HDHD5: variants seen among roughly 807,000 people sequenced by gnomAD.
HDHD5 encodes haloacid dehalogenase-like hydrolase domain-containing 5.
HDHD5 carries 34 observed loss-of-function variants against 35.5 expected under a neutral mutation model. The ratio of observed to expected loss-of-function variants is 0.96; its 90% CI spans 0.73 to 1.28. The LOEUF (loss-of-function observed/expected upper bound fraction) is 1.28, where lower values mean the gene tolerates loss of function less well. Ranked by LOEUF, HDHD5 falls within the 50% of genes most tolerant of loss-of-function variation. The pLI, the probability that HDHD5 is intolerant of heterozygous loss-of-function variation, is 0.00. For missense variants in HDHD5, 589 were observed against 560.2 expected (o/e 1.05, Z -0.52); for synonymous variants, 248 against 240.6 (o/e 1.03, Z -0.29).
chr22:17,151,334 T>G (rs775497934), intron 1 of HDHD5, among the ~76,000 whole-genome samples: 23 of 76,164 alleles, frequency 3.0e-4, no homozygotes, highest in Non-Finnish European at 4.0e-4. Flanking sequence ...TAACCTAACT[T>G]GTTTGCTATT....
Position 17,149,642 on chromosome 22 carries a change from G to A in HDHD5, c.230C>T (p.Ser77Phe), listed in dbSNP as rs377264272. The change falls in exon 2 of 8, where the codon TCC (serine) becomes TTC (phenylalanine). Residue 77 changes from serine (S) to phenylalanine (F), a missense_variant. By Grantham distance (155) the Ser-to-Phe change is radical. Transcript: ENST00000336737. The part of the protein sequence containing the change: ...ALKAFRRLVN[S>F]QGQLRVPVVF... ...CACGGGCACCCGCAGCTGCCCCTGG[G>A]AGTTCACCAGCCTTCGGAAGGCTTT... 6.2e-7 allele frequency: 1 copy of A among 1,613,644 alleles called. No individual in the cohort carries two copies. The highest frequency in any genetic ancestry group is 8.5e-7 in the Non-Finnish European group (1 of 1,180,040).
chr22:17,163,737 C>T (rs1386013306), upstream of HDHD5, among the ~76,000 whole-genome samples: 1 of 152,168 alleles, frequency 6.6e-6, no homozygotes, highest in African/African-American at 2.4e-5. Context: ...GGCAGGAATC[C>T]GAGGTGAGCC....
chr22:17,140,991 T>C, intron 6 of HDHD5, 68 bp downstream of exon 6: 1 of 1,432,558 alleles, frequency 7.0e-7, no homozygotes, highest in Non-Finnish European at 9.3e-7. Flanking sequence ...GGGAACTGCC[T>C]GCAGGACTGC....
At chr22:17,147,496 G>A (rs1443628356) in intron 3 of HDHD5, among the ~76,000 whole-genome samples, 3 of 122,298 alleles carry the variant, frequency 2.5e-5, no homozygotes, top group Admixed American at 1.9e-4. Context: ...TGAGCTTACC[G>A]GCCTTCGATC....
chr22:17,163,850 C>T (rs1372274003), upstream of HDHD5, among the ~76,000 whole-genome samples: 2 of 152,200 alleles, frequency 1.3e-5, no homozygotes, highest in African/African-American at 4.8e-5. Flanking sequence ...TGCTTGAGGG[C>T]AGTGTCTCTC....
At chr22:17,159,381 C>G (rs771116650), upstream of HDHD5, 5 of 1,091,480 alleles carry the variant, frequency 4.6e-6, no homozygotes, top group South Asian at 6.8e-5. Context: ...GCGCGGAGCC[C>G]GTCGGGCGCC....
intron 1 of HDHD5, among the ~76,000 whole-genome samples, 187 bp from the exon 2 acceptor site, chr22:17,149,932 T>C (rs2061707949): frequency 6.6e-6 from 1 of 152,054 alleles, no homozygotes; most frequent in African/African-American, 2.4e-5. Context: ...CCAAAGAAAA[T>C]ATAATCCCAA....
chr22:17,138,668 A>G lies in HDHD5; in HGVS notation c.817T>C (p.Tyr273His). 1 of 1,614,228 alleles carries G rather than the reference A, an allele frequency of 6.2e-7. No homozygotes were observed. Among genetic ancestry groups the G allele is most frequent in the Non-Finnish European group, 8.5e-7 (1 of 1,180,040 alleles). ...CTGGGTTTGCCCATCAGGCCCTCGT[A>G]TCTCAGCTCCTTGCCCGTCACTTTC... ...YQKVTGKELR[Y>H]EGLMGKPSIL... The change falls in exon 7 of 8, where the codon TAC (tyrosine) becomes CAC (histidine). Residue 273 changes from tyrosine (Y) to histidine (H), a missense_variant. Physicochemically the swap from Tyr to His is moderately conservative, Grantham distance 83. Coordinates refer to ENST00000336737, the MANE Select transcript of HDHD5 (RefSeq NM_033070.3).
chr22:17,156,763 G>A (rs1281694041), intron 1 of HDHD5, among the ~76,000 whole-genome samples: 5 of 139,566 alleles, frequency 3.6e-5, no homozygotes, highest in South Asian at 2.3e-4. Context: ...GCAACAGAGC[G>A]AGCGAGACTC....
upstream of HDHD5, among the ~76,000 whole-genome samples, chr22:17,160,205 G>C (rs535481826): frequency 1.3e-5 from 2 of 152,174 alleles, no homozygotes; most frequent in African/African-American, 4.8e-5. Flanking sequence ...TATGGACAGA[G>C]ACTGCACTAG....
At chr22:17,143,053 G>A in intron 5 of HDHD5, 45 bp downstream of exon 5, 1 of 1,601,138 alleles carries the variant, frequency 6.2e-7, no homozygotes, top group Non-Finnish European at 8.5e-7. Context: ...CCAGAGAGGA[G>A]ACGGAGAAAA....
chr22:17,139,733 C>T (rs1014408976), intron 6 of HDHD5, among the ~76,000 whole-genome samples: 38 of 152,106 alleles, frequency 2.5e-4, no homozygotes, highest in African/African-American at 7.2e-4. Flanking sequence ...CCACCATGCC[C>T]GGCTAATTTT....
chr22:17,143,830 T>A (rs5748896), intron 4 of HDHD5, among the ~76,000 whole-genome samples: 2 of 152,208 alleles, frequency 1.3e-5, no homozygotes, highest in African/African-American at 4.8e-5. Flanking sequence ...GTCGTCAAAC[T>A]GTGAGAATGG....
chr22:17,153,956 A>C (rs1003928635), intron 1 of HDHD5, among the ~76,000 whole-genome samples: 1 of 152,018 alleles, frequency 6.6e-6, no homozygotes, highest in Non-Finnish European at 1.5e-5. Flanking sequence ...CCTGGGCTCA[A>C]GCGATCCTCC....
upstream of HDHD5, chr22:17,159,286 G>GT (rs1555882038): frequency 2.9e-6 from 3 of 1,040,534 alleles, no homozygotes; most frequent in African/African-American, 5.1e-5. Context: ...ACGGCGTGCG[G>GT]CCCCCCCCCC....
chr22:17,158,930 G>A (rs2061834608), intron 1 of HDHD5, 196 bp downstream of exon 1: 1 of 419,786 alleles, frequency 2.4e-6, no homozygotes, highest in Non-Finnish European at 3.7e-6. Context: ...GCGTTTCCGA[G>A]GCCGCCAGCG....
intron 3 of HDHD5, among the ~76,000 whole-genome samples, chr22:17,146,419 C>T (rs558979630): frequency 6.7e-6 from 1 of 149,446 alleles, no homozygotes; most frequent in South Asian, 2.2e-4. Flanking sequence ...ACGCTCCACA[C>T]CTGTGGCACA....
chr22:17,159,206 G>A lies in HDHD5; in HGVS notation c.46C>T (p.Leu16Phe), dbSNP rs1276368053. The change falls in exon 1 of 8, where the codon CTT (leucine) becomes TTT (phenylalanine). Residue 16 changes from leucine to phenylalanine, a missense_variant. By Grantham distance (22) the Leu-to-Phe change is conservative. Coordinates refer to ENST00000336737, the MANE Select transcript of HDHD5 (RefSeq NM_033070.3). Reference protein sequence around the residue: ...CVAALGAARGLCWRAARAAAG... With the variant: ...CVAALGAARGFCWRAARAAAG... ...GCCGCGCGCGCCGCCCGCCAGCAAA[G>A]CCCACGCGCCGCGCCGAGCGCAGCC... The A allele has an allele frequency of 1.7e-5, 20 of 1,192,094 alleles. No homozygotes were observed. Among genetic ancestry groups the A allele is most frequent in the Non-Finnish European group, 1.9e-5 (18 of 965,822 alleles). The allele number at this position is 1,192,094 out of a possible 1,614,324, so 73.8% of individuals were successfully genotyped here. A position where few individuals can be genotyped will look rare whatever the true frequency, so the allele number is the denominator to read the frequency against.
rs369508334 is a variant in HDHD5 at position 17,138,749 on chromosome 22, C to T, written c.747-11G>A. On this transcript the variant is annotated splice_polypyrimidine_tract_variant and intron_variant, in intron 6 of 7. Transcript: ENST00000336737. ...GTGCCATGTCCAAACCTGCCAGAAA[C>T]GAGCACGCAGCAGTTCAGTCTTCCT... 161 of 1,613,944 alleles carry T rather than the reference C, an allele frequency of 1.0e-4. 1 individual carries two copies. In the African/African-American group the frequency reaches 1.6e-3, roughly 16 times the overall value.
Sources: allele counts gnomAD v4.1 joint callset (sites outside exome capture counted in the v4.1 genomes callset), GRCh38; gene constraint gnomAD v4.1.1; transcripts MANE v1.5; gene names NCBI Gene and HGNC (gene_info 2026-07-23, HGNC 2026-07-21).